The following PCDHGA2 variants were observed in gnomAD, a reference collection of about 807,000 sequenced individuals.
The protein encoded by PCDHGA2 is protocadherin gamma subfamily A, 2, also known as protocadherin gamma-A2.
PCDHGA2 carries 40 observed loss-of-function variants against 59.2 expected under a neutral mutation model. The observed-to-expected ratio is 0.68, with a 90% CI of 0.52 to 0.88. PCDHGA2 has a LOEUF of 0.88. Ranked by LOEUF, PCDHGA2 falls within the 40% of genes least tolerant of loss-of-function variation. The probability of loss-of-function intolerance (pLI) is 0.00; values close to 1 mark genes in which losing one functional copy is unlikely to be tolerated. For synonymous variants in PCDHGA2, 560 were observed against 526.0 expected, an observed-to-expected ratio of 1.06 and a Z score of -0.89; for missense variants, 1,226 against 1,204.0, an observed-to-expected ratio of 1.02 and a Z score of -0.27.
intron 1 of PCDHGA2, chr5:141,421,544 A>G (rs2096582597): frequency 6.2e-7 from 1 of 1,613,912 alleles, no homozygotes; most frequent in African/African-American, 1.3e-5. Context: ...TGTTTTTTAA[A>G]TATGGAACTT....
In PCDHGA2 at chr5:141,382,960, G is replaced by C. The variant is rs62621829; in HGVS notation, c.2424+41565G>C. The C allele has an allele frequency of 3.2e-4, 511 of 1,607,476 alleles. 2 individuals are homozygous for C. The highest frequency in any genetic ancestry group is 5.5e-5 in the Non-Finnish European group (65 of 1,175,660). On this transcript the variant is annotated intron_variant, in intron 1 of 3. Coordinates refer to ENST00000394576, the MANE Select transcript of PCDHGA2 (RefSeq NM_018915.4). ...ATTCTTCCTGCTCTCCATCCTCCTGGGGACCCCCTGGGAAGCCTGGGCAGG... is the reference window on the plus strand; with the variant it reads ...ATTCTTCCTGCTCTCCATCCTCCTGCGGACCCCCTGGGAAGCCTGGGCAGG...
At position 141,488,726 on chromosome 5, in the gene PCDHGA2, G is replaced by A. The variant is rs1562126303; in HGVS notation, c.2425-6081G>A. 2.0e-5 allele frequency among the ~76,000 whole-genome samples: 3 copies of A among 152,194 alleles called. No homozygotes were observed. The South Asian group carries it at 6.2e-4, about 32-fold the overall frequency. ...TGCTGGTTCAAGCAAAGTGGTGGAA[G>A]CTTCTGAAGTCATGCAGGAAGTTGC... On this transcript the variant is annotated intron_variant, in intron 1 of 3. Transcript: ENST00000394576.
intron 1 of PCDHGA2, among the ~76,000 whole-genome samples, chr5:141,482,530 CAA>C (rs3074545): frequency 2.5e-4 from 19 of 76,528 alleles, no homozygotes; most frequent in East Asian, 4.2e-4. Context: ...GACAGACATG[CAA>C]AAAAAAAAAA....
intron 1 of PCDHGA2, chr5:141,409,463 A>G (rs751200597): frequency 1.2e-6 from 2 of 1,613,744 alleles, no homozygotes; most frequent in Non-Finnish European, 1.7e-6. Context: ...ATACAATGTC[A>G]CCATCGTAGC....
chr5:141,362,375 C>CTGTA, intron 1 of PCDHGA2: 1 of 1,614,040 alleles, frequency 6.2e-7, no homozygotes, highest in Non-Finnish European at 8.5e-7. Context: ...AGTGAGGGTA[C>CTGTA]ATTGCCCTAT....
At chr5:141,417,345 A>G (rs937116752) in intron 1 of PCDHGA2, 3 of 153,022 alleles carry the variant, frequency 2.0e-5, no homozygotes, top group African/African-American at 7.2e-5. Flanking sequence ...GAGACCTATA[A>G]ACCTTCATGC....
At chr5:141,343,777 T>C (rs1757322491) in intron 1 of PCDHGA2, 1 of 410,716 alleles carries the variant, frequency 2.4e-6, no homozygotes, top group Admixed American at 4.1e-5. Context: ...TTAGGCCTCT[T>C]AGTGTCGCTG....
chr5:141,369,142 G>A (rs1302830150), intron 1 of PCDHGA2, among the ~76,000 whole-genome samples: 1 of 152,140 alleles, frequency 6.6e-6, no homozygotes, highest in Non-Finnish European at 1.5e-5. Context: ...ATGGAAAATG[G>A]CATGTTATTG....
chr5:141,413,388 C>T (rs765673305), intron 1 of PCDHGA2: 39 of 1,614,012 alleles, frequency 2.4e-5, no homozygotes, highest in Non-Finnish European at 3.2e-5. Context: ...TCCGCATAGT[C>T]TCCAGAGGTA....
At chr5:141,501,809 A>G (rs2099811165) in intron 2 of PCDHGA2, among the ~76,000 whole-genome samples, 1 of 152,176 alleles carries the variant, frequency 6.6e-6, no homozygotes, top group African/African-American at 2.4e-5. Flanking sequence ...ACCCAGCTTC[A>G]CATAATTGGC....
chr5:141,391,896 G>A (rs2092439615), intron 1 of PCDHGA2: 1 of 152,128 alleles, frequency 6.6e-6, no homozygotes, highest in Non-Finnish European at 1.5e-5. Flanking sequence ...ATGGGATGGA[G>A]CTTTGCTTTT....
At chr5:141,372,524 A>G (rs1768835682) in intron 1 of PCDHGA2, 2 of 1,613,968 alleles carry the variant, frequency 1.2e-6, no homozygotes, top group East Asian at 2.2e-5. Context: ...TGATTCTGGC[A>G]ATCTCCCTGC....
intron 1 of PCDHGA2, chr5:141,414,983 G>C: frequency 6.2e-7 from 1 of 1,613,716 alleles, no homozygotes; most frequent in Non-Finnish European, 8.5e-7. Context: ...AGAGACTCCG[G>C]CCAGAACGCC....
At chr5:141,433,662 C>T (rs1377052782) in intron 1 of PCDHGA2, among the ~76,000 whole-genome samples, 1 of 151,950 alleles carries the variant, frequency 6.6e-6, no homozygotes, top group Non-Finnish European at 1.5e-5. Context: ...ATGGAGAAAC[C>T]CCGTCTATAC....
At chr5:141,454,428 CAG>C (rs1412897540) in intron 1 of PCDHGA2, among the ~76,000 whole-genome samples, 1 of 152,172 alleles carries the variant, frequency 6.6e-6, no homozygotes, top group Admixed American at 6.5e-5. Flanking sequence ...TATTTAGAGA[CAG>C]AGTTTCACTC....
At chr5:141,430,351 A>G (rs923321842) in intron 1 of PCDHGA2, among the ~76,000 whole-genome samples, 5 of 152,046 alleles carry the variant, frequency 3.3e-5, no homozygotes, top group African/African-American at 1.2e-4. Flanking sequence ...CAATTCATTT[A>G]AAAGCTCATT....
chr5:141,402,108 A>T (rs2094226699), intron 1 of PCDHGA2, among the ~76,000 whole-genome samples: 1 of 152,218 alleles, frequency 6.6e-6, no homozygotes, highest in African/African-American at 2.4e-5. Context: ...CAATTACAAA[A>T]ATGTGAAAAT....
intron 1 of PCDHGA2, among the ~76,000 whole-genome samples, chr5:141,438,678 G>C (rs2098050264): frequency 7.1e-6 from 1 of 140,560 alleles, no homozygotes; most frequent in African/African-American, 2.6e-5. Context: ...ATTTGGAGTA[G>C]GGGATGGAGT....
chr5:141,395,096 C>T (rs769366827), intron 1 of PCDHGA2: 4 of 1,614,068 alleles, frequency 2.5e-6, no homozygotes, highest in African/African-American at 2.7e-5. Flanking sequence ...CCCTCACCGC[C>T]GACTCGCGGA....
Sources: gnomAD v4.1 joint callset for allele counts (sites outside exome capture counted in the v4.1 genomes callset) on GRCh38, gnomAD v4.1.1 for gene constraint, MANE v1.5 for transcripts, NCBI Gene and HGNC (gene_info 2026-07-23, HGNC 2026-07-21) for gene names.